The following CCDC169 variants were observed in gnomAD, a reference collection of about 807,000 sequenced individuals.
CCDC169 encodes the protein coiled-coil domain containing 169, also known as coiled-coil domain-containing protein 169.
Under a neutral mutation model 36.0 loss-of-function variants are expected in CCDC169, and 30 were observed. The ratio of observed to expected loss-of-function variants is 0.83; its 90% CI spans 0.62 to 1.13. CCDC169 has a LOEUF of 1.13. Ranked by LOEUF, CCDC169 falls within the 50% of genes most tolerant of loss-of-function variation. The pLI is 0.00. For synonymous variants in CCDC169, 85 were observed against 81.5 expected (o/e 1.04, Z -0.23); for missense variants, 245 against 245.9 (o/e 1.00, Z 0.03).
chr13:36,264,689 T>C (rs1390384518), intron 4 of CCDC169, among the ~76,000 whole-genome samples: 3 of 152,216 alleles, frequency 2.0e-5, no homozygotes, highest in South Asian at 2.1e-4. Flanking sequence ...ACTTAGACTA[T>C]ATCTTGCTGC....
In CCDC169 at chr13:36,295,639, T is replaced by C. The variant is rs1415240614; in HGVS notation, c.163+139A>G. On this transcript the variant is annotated intron_variant, in intron 2 of 7. Coordinates refer to ENST00000239859, the MANE Select transcript of CCDC169 (RefSeq NM_001144981.3). ...CAGTTTTAAAGCCTCTATCATAAAC[T>C]ATCATTAATGTGGCCAAAAAGCAAT... 8.6e-6 allele frequency: 4 copies of C among 466,802 alleles called. No homozygotes were observed. In the Admixed American group the frequency reaches 1.6e-4, roughly 19 times the overall value. 28.9% of individuals were successfully genotyped at this position (466,802 alleles called of 1,614,324 possible).
At chr13:36,283,850 C>A in intron 2 of CCDC169, 148 bp from the exon 3 acceptor site, 1 of 664,830 alleles carries the variant, frequency 1.5e-6, no homozygotes, top group Non-Finnish European at 2.5e-6. Flanking sequence ...GTTATTAAGT[C>A]TGTATTTCTG....
intron 4 of CCDC169, among the ~76,000 whole-genome samples, chr13:36,272,726 T>C (rs932436727): frequency 2.0e-5 from 3 of 152,270 alleles, no homozygotes; most frequent in Non-Finnish European, 4.4e-5. Flanking sequence ...AACGGCATAT[T>C]TTCATTTGAT....
intron 2 of CCDC169, among the ~76,000 whole-genome samples, chr13:36,286,602 C>A (rs1878287634): frequency 6.6e-6 from 1 of 152,116 alleles, no homozygotes; most frequent in Admixed American, 6.5e-5. Flanking sequence ...GCACCCTGAT[C>A]TCTTTGTCTC....
At chr13:36,260,168 C>A (rs372269238) in intron 4 of CCDC169, among the ~76,000 whole-genome samples, 1 of 152,292 alleles carries the variant, frequency 6.6e-6, no homozygotes. Context: ...CTCAAAGACA[C>A]GCAGCTAATA....
chr13:36,252,590 C>T (rs1873309299), intron 6 of CCDC169, among the ~76,000 whole-genome samples: 2 of 152,170 alleles, frequency 1.3e-5, no homozygotes, highest in Non-Finnish European at 2.9e-5. Flanking sequence ...TTCGGCTCTT[C>T]CTCCCTTGAC....
At chr13:36,281,946 A>C (rs1746012030) in intron 4 of CCDC169, among the ~76,000 whole-genome samples, 1 of 152,214 alleles carries the variant, frequency 6.6e-6, no homozygotes, top group African/African-American at 2.4e-5. Context: ...ATTAAAATGA[A>C]GTCCACTTTA....
intron 7 of CCDC169, among the ~76,000 whole-genome samples, chr13:36,240,135 T>TACC (rs1871605541): frequency 6.6e-6 from 1 of 152,134 alleles, no homozygotes; most frequent in Non-Finnish European, 1.5e-5. Flanking sequence ...AGGACTACTG[T>TACC]ACCACCTTGC....
At chr13:36,226,224 A>G (rs907215788), downstream of CCDC169, 1 of 152,244 alleles carries the variant, frequency 6.6e-6, no homozygotes, top group African/African-American at 2.4e-5. Context: ...AAAATGTGCT[A>G]CATATACACC....
intron 6 of CCDC169, among the ~76,000 whole-genome samples, chr13:36,249,215 G>GGGT (rs1375366129): frequency 2.5e-4 from 38 of 152,288 alleles, no homozygotes; most frequent in Non-Finnish European, 2.6e-4. Flanking sequence ...GAGTGAATGA[G>GGGT]ATCATTCATT....
chr13:36,238,193 G>C (rs1871312642), intron 7 of CCDC169, among the ~76,000 whole-genome samples: 1 of 152,174 alleles, frequency 6.6e-6, no homozygotes, highest in African/African-American at 2.4e-5. Flanking sequence ...AAATGTTCTG[G>C]AATCAGTTAG....
intron 4 of CCDC169, among the ~76,000 whole-genome samples, chr13:36,263,977 T>A (rs531098681): frequency 6.6e-6 from 1 of 152,182 alleles, no homozygotes; most frequent in Non-Finnish European, 1.5e-5. Context: ...CATAGTAACA[T>A]AGATCAGTTA....
intron 7 of CCDC169, among the ~76,000 whole-genome samples, chr13:36,239,959 T>C (rs1871574808): frequency 6.6e-6 from 1 of 152,166 alleles, no homozygotes. Context: ...TATAATTAAG[T>C]TGTATTATTA....
chr13:36,261,028 A>T (rs1874546166), intron 4 of CCDC169, among the ~76,000 whole-genome samples: 1 of 152,174 alleles, frequency 6.6e-6, no homozygotes, highest in African/African-American at 2.4e-5. Context: ...TCTGGGAAAG[A>T]GGTATGTGGA....
intron 7 of CCDC169, among the ~76,000 whole-genome samples, chr13:36,231,543 T>A (rs903015573): frequency 6.6e-6 from 1 of 152,204 alleles, no homozygotes; most frequent in Non-Finnish European, 1.5e-5. Context: ...AAGCAGCATG[T>A]CAGGTGCCCT....
intron 7 of CCDC169, among the ~76,000 whole-genome samples, chr13:36,242,607 T>C (rs536273391): frequency 6.6e-6 from 1 of 152,326 alleles, no homozygotes; most frequent in African/African-American, 2.4e-5. Flanking sequence ...AACGGGTTTT[T>C]TTTTTCCATT....
At chr13:36,256,404 G>T (rs903048954) in intron 4 of CCDC169, among the ~76,000 whole-genome samples, 7 of 152,274 alleles carry the variant, frequency 4.6e-5, no homozygotes, top group African/African-American at 1.7e-4. Context: ...CAGGACAGCA[G>T]GAGAGAAAAT....
intron 2 of CCDC169, among the ~76,000 whole-genome samples, chr13:36,285,981 C>T (rs1878207908): frequency 6.6e-6 from 1 of 152,210 alleles, no homozygotes; most frequent in Non-Finnish European, 1.5e-5. Flanking sequence ...TTTCTCTCTA[C>T]TGGACCTCGC....
rs533356992 is a variant in CCDC169, at chr13:36,276,932, C to T, written c.315+6537G>A. Among the ~76,000 whole-genome samples, 57 of 152,208 alleles carry T rather than the reference C, an allele frequency of 3.7e-4. 1 individual carries two copies. The South Asian group carries it at 0.011, about 30-fold the overall frequency. On this transcript the variant is annotated intron_variant, in intron 4 of 7. Transcript: ENST00000239859. ...AAAATACAAATGTCCAGGCCTTACT[C>T]CAGACCTACCAAATTTCTGGGGAAA...
Sources: allele counts gnomAD v4.1 joint callset (sites outside exome capture counted in the v4.1 genomes callset), GRCh38; gene constraint gnomAD v4.1.1; transcripts MANE v1.5; gene names NCBI Gene and HGNC (gene_info 2026-07-23, HGNC 2026-07-21).